TXNDC16: variants seen among roughly 807,000 people sequenced by gnomAD.
TXNDC16 encodes the protein thioredoxin domain containing 16.
Under a neutral mutation model 85.6 loss-of-function variants are expected in TXNDC16, and 74 were observed. That is an observed-to-expected ratio of 0.86 (90% CI 0.72 to 1.05). The LOEUF is 1.05. Among genes scored for constraint, TXNDC16 ranks in the 50% least tolerant of loss-of-function variants. The pLI is 0.00. For synonymous variants in TXNDC16, 335 were observed against 326.5 expected (o/e 1.03, Z -0.28); for missense variants, 959 against 947.0 (o/e 1.01, Z -0.17).
At chr14:52,443,907 C>T (rs776472014) in intron 18 of TXNDC16, among the ~76,000 whole-genome samples, 5 of 151,956 alleles carry the variant, frequency 3.3e-5, no homozygotes, top group Admixed American at 6.6e-5. Context: ...ATTAAACACT[C>T]GGATTTAGGA....
chr14:52,461,392 A>G (rs976880089), intron 16 of TXNDC16, among the ~76,000 whole-genome samples: 5 of 142,354 alleles, frequency 3.5e-5, no homozygotes, highest in African/African-American at 1.3e-4. Context: ...AAGATGTCAA[A>G]GTACATAAAC....
At chr14:52,450,882 C>T (rs1399113803) in intron 18 of TXNDC16, among the ~76,000 whole-genome samples, 23 of 145,970 alleles carry the variant, frequency 1.6e-4, no homozygotes, top group Middle Eastern at 3.6e-3. Context: ...TATATATATA[C>T]ACACACACAC....
In TXNDC16 at chr14:52,537,591, T is replaced by C. The variant is rs1212088130; in HGVS notation, c.317+8A>G. Reference sequence around the variant, plus strand: ...TATTTGTCCAGCACACTCAGGAAAATAGCTTACTTGAATAAATATGCTTTC... The same window carrying C: ...TATTTGTCCAGCACACTCAGGAAAACAGCTTACTTGAATAAATATGCTTTC... On this transcript the variant is annotated splice_region_variant and intron_variant, in intron 5 of 20. Coordinates refer to ENST00000281741, the MANE Select transcript of TXNDC16 (RefSeq NM_020784.3). 2 of 1,562,940 alleles carry C rather than the reference T, an allele frequency of 1.3e-6. No individual in the cohort carries two copies. The highest frequency in any genetic ancestry group is 4.5e-5 in the East Asian group (2 of 44,540).
intron 1 of TXNDC16, among the ~76,000 whole-genome samples, chr14:52,549,629 A>ATTTTTTT (rs748701260): frequency 4.7e-4 from 62 of 132,974 alleles, no homozygotes; most frequent in Non-Finnish European, 7.9e-4. Context: ...AACAGTTCTG[A>ATTTTTTT]TTTTTTTTTT....
At chr14:52,525,988 T>A (rs956340742) in intron 6 of TXNDC16, among the ~76,000 whole-genome samples, 6 of 151,902 alleles carry the variant, frequency 3.9e-5, no homozygotes, top group East Asian at 1.9e-4. Context: ...ATATTTAAAA[T>A]TTTTTTTACT....
At chr14:52,445,727 G>C (rs1279341601) in intron 18 of TXNDC16, among the ~76,000 whole-genome samples, 1 of 152,102 alleles carries the variant, frequency 6.6e-6, no homozygotes, top group Non-Finnish European at 1.5e-5. Flanking sequence ...ATTGTTACAA[G>C]AGCCTACAGT....
At chr14:52,524,032 A>T (rs554240758) in intron 6 of TXNDC16, among the ~76,000 whole-genome samples, 30 of 152,244 alleles carry the variant, frequency 2.0e-4, no homozygotes, top group Non-Finnish European at 3.4e-4. Context: ...TCCCAGTAAA[A>T]AGTATGTCAT....
chr14:52,478,597 C>T (rs1366394822), intron 14 of TXNDC16, among the ~76,000 whole-genome samples: 2 of 152,024 alleles, frequency 1.3e-5, no homozygotes, highest in Non-Finnish European at 2.9e-5. Flanking sequence ...AAAGATACAA[C>T]CTTCTTAGCT....
intron 3 of TXNDC16, 50 bp downstream of exon 3, chr14:52,543,348 T>C: frequency 6.4e-7 from 1 of 1,552,228 alleles, no homozygotes; most frequent in Non-Finnish European, 8.7e-7. Context: ...ACTGATTAAA[T>C]AGCAATAAAA....
intron 7 of TXNDC16, 91 bp downstream of exon 7, chr14:52,519,081 G>A (rs74053513): frequency 0.018 from 23,209 of 1,261,216 alleles, 1,347 homozygotes; most frequent in East Asian, 0.18. Flanking sequence ...TAAATATTAC[G>A]ACTGTAGTCA....
intron 6 of TXNDC16, among the ~76,000 whole-genome samples, chr14:52,531,067 T>C (rs2140214934): frequency 6.6e-6 from 1 of 152,094 alleles, no homozygotes; most frequent in East Asian, 1.9e-4. Context: ...AATAAGCATA[T>C]GAAAACATCC....
At chr14:52,469,279 A>G (rs1203969192) in intron 16 of TXNDC16, among the ~76,000 whole-genome samples, 1 of 151,794 alleles carries the variant, frequency 6.6e-6, no homozygotes, top group Non-Finnish European at 1.5e-5. Context: ...CCCAGGAAGC[A>G]GAGATTGCAG....
At chr14:52,507,937 T>C (rs1474831764) in intron 9 of TXNDC16, among the ~76,000 whole-genome samples, 10 of 152,316 alleles carry the variant, frequency 6.6e-5, no homozygotes, top group Middle Eastern at 3.4e-3. Flanking sequence ...AAGACTTAAA[T>C]GTTAGACCTA....
At chr14:52,437,458 A>G (rs2035054687) in intron 20 of TXNDC16, among the ~76,000 whole-genome samples, 1 of 152,198 alleles carries the variant, frequency 6.6e-6, no homozygotes, top group Non-Finnish European at 1.5e-5. Context: ...AAATTATTAG[A>G]CAAAAACATT....
chr14:52,459,499 G>A (rs1168089972), intron 16 of TXNDC16, among the ~76,000 whole-genome samples: 1 of 152,166 alleles, frequency 6.6e-6, no homozygotes, highest in Non-Finnish European at 1.5e-5. Flanking sequence ...GACATACAAA[G>A]AAGAGCTGAT....
chr14:52,482,182 C>T (rs1176480181), intron 14 of TXNDC16, 48 bp downstream of exon 14: 1 of 1,486,820 alleles, frequency 6.7e-7, no homozygotes, highest in East Asian at 2.4e-5. Context: ...TTACAAATAG[C>T]TACAGCTTAG....
In TXNDC16 at chr14:52,432,081, G is replaced by A. The variant is rs776155748; in HGVS notation, c.*223C>T. ...TAATTTCTATATTTCGCTATTTTGG[G>A]TATACTACTGGGTGAAAAGTAATAT... On this transcript the variant is annotated 3_prime_UTR_variant, in exon 21 of 21. Coordinates refer to ENST00000281741, the MANE Select transcript of TXNDC16 (RefSeq NM_020784.3). 3.7e-4 allele frequency: 139 copies of A among 370,806 alleles called. 2 individuals carry two copies. The highest frequency in any genetic ancestry group is 6.1e-4 in the Non-Finnish European group (129 of 211,836). 23.0% of individuals were successfully genotyped at this position (370,806 alleles called of 1,614,324 possible). A position where few individuals can be genotyped will look rare whatever the true frequency, so the allele number is the denominator to read the frequency against.
At chr14:52,529,068 T>G (rs11624388) in intron 6 of TXNDC16, among the ~76,000 whole-genome samples, 73,959 of 148,848 alleles carry the variant, frequency 0.5, 19,108 homozygotes, top group East Asian at 0.7. Context: ...CAATGACTTG[T>G]AACCAACCCA....
Position 52,543,453 on chromosome 14 carries a change from T to C in TXNDC16, c.105A>G (p.Lys35=). 3 of 1,613,448 alleles carry C rather than the reference T, an allele frequency of 1.9e-6. No individual in the cohort carries two copies. The highest frequency in any genetic ancestry group is 2.5e-6 in the Non-Finnish European group (3 of 1,179,686). ...VNSLPELSPQ[K]YFSTLQPGKA... ...TTCCTGGTTGCAATGTACTAAAATATTTCTGAGGACTCAGTTCTGGTAAAG... is the reference window on the plus strand; with the variant it reads ...TTCCTGGTTGCAATGTACTAAAATACTTCTGAGGACTCAGTTCTGGTAAAG... The change falls in exon 3 of 21, where the codon AAA becomes AAG. Residue 35 remains lysine (K), a synonymous_variant. Transcript: ENST00000281741.
Sources: allele counts gnomAD v4.1 joint callset (sites outside exome capture counted in the v4.1 genomes callset), GRCh38; gene constraint gnomAD v4.1.1; transcripts MANE v1.5; gene names NCBI Gene and HGNC (gene_info 2026-07-23, HGNC 2026-07-21).